The following RBFOX1 variants were observed in gnomAD, a reference collection of about 807,000 sequenced individuals.
RBFOX1 encodes RNA binding protein fox-1 homolog 1.
Under a neutral mutation model 57.7 loss-of-function variants are expected in RBFOX1, and 8 were observed. The ratio of observed to expected loss-of-function variants is 0.14; its 90% CI spans 0.08 to 0.25. The LOEUF is 0.25. RBFOX1 is among the 10% of genes least tolerant of loss of function. RBFOX1 has a pLI of 1.00. For missense variants in RBFOX1, 611 were observed against 548.5 expected (o/e 1.11, Z -1.14); for synonymous variants, 326 against 222.4 (o/e 1.47, Z -4.15).
At position 7,137,789 on chromosome 16, in the gene RBFOX1, A is replaced by C. The variant is rs149013847; in HGVS notation, c.27+85691A>C. Among the ~76,000 whole-genome samples, 653 of 152,214 alleles carry C rather than the reference A, an allele frequency of 4.3e-3. 6 individuals are homozygous for C. The highest frequency in any genetic ancestry group is 0.015 in the African/African-American group (624 of 41,536). ...GTCCCTACCTGGTCCTGGAGTAGAA[A>C]CTCCAAAAGGGGAAGGTTGTAGTTC... On this transcript the variant is annotated intron_variant, in intron 4 of 15. Coordinates refer to ENST00000550418, the MANE Select transcript of RBFOX1 (RefSeq NM_018723.4).
chr16:5,529,237 A>G (rs184012293), intron 2 of RBFOX1, among the ~76,000 whole-genome samples: 2 of 152,234 alleles, frequency 1.3e-5, no homozygotes, highest in Admixed American at 1.3e-4. Flanking sequence ...TGACTTTGTT[A>G]TGGGTTGAAT....
At chr16:5,851,448 G>A (rs926563040) in intron 3 of RBFOX1, among the ~76,000 whole-genome samples, 2 of 152,090 alleles carry the variant, frequency 1.3e-5, no homozygotes, top group South Asian at 2.1e-4. Context: ...GTTTTCCAAG[G>A]CATTCTCTGC....
intron 1 of RBFOX1, among the ~76,000 whole-genome samples, chr16:5,331,799 G>A (rs941932219): frequency 6.6e-6 from 1 of 152,270 alleles, no homozygotes; most frequent in Non-Finnish European, 1.5e-5. Flanking sequence ...TGATGAAAGA[G>A]CTACCTGGTG....
intron 3 of RBFOX1, among the ~76,000 whole-genome samples, chr16:7,013,812 C>G (rs917047014): frequency 6.6e-6 from 1 of 152,082 alleles, no homozygotes; most frequent in African/African-American, 2.4e-5. Context: ...TGTGCACCAA[C>G]ATGCCCAGTT....
chr16:7,298,254 A>G (rs1191508837), intron 4 of RBFOX1, among the ~76,000 whole-genome samples: 1 of 146,766 alleles, frequency 6.8e-6, no homozygotes, highest in Non-Finnish European at 1.5e-5. Flanking sequence ...ACCCACCACA[A>G]TGTAGAAAAT....
chr16:7,084,142 G>A (rs2059623430), intron 4 of RBFOX1, among the ~76,000 whole-genome samples: 1 of 152,136 alleles, frequency 6.6e-6, no homozygotes, highest in African/African-American at 2.4e-5. Flanking sequence ...ATCAAAATAT[G>A]GAAGGACTGT....
At chr16:7,374,682 C>G (rs1397628549) in intron 4 of RBFOX1, among the ~76,000 whole-genome samples, 4 of 152,108 alleles carry the variant, frequency 2.6e-5, no homozygotes, top group African/African-American at 7.2e-5. Context: ...TCTAGAAATA[C>G]CTAAACATTC....
intron 4 of RBFOX1, among the ~76,000 whole-genome samples, chr16:7,316,055 C>G (rs1378836604): frequency 6.6e-6 from 1 of 152,182 alleles, no homozygotes; most frequent in Non-Finnish European, 1.5e-5. Flanking sequence ...TCTGATAGTT[C>G]TTCCTGGCTT....
chr16:6,957,164 C>G (rs2082039424), intron 3 of RBFOX1, among the ~76,000 whole-genome samples: 1 of 92,812 alleles, frequency 1.1e-5, no homozygotes, highest in South Asian at 3.6e-4. Context: ...TGGAGTCTTG[C>G]TCTGTCACCC....
intron 2 of RBFOX1, among the ~76,000 whole-genome samples, chr16:6,628,117 C>T (rs1322544323): frequency 6.6e-6 from 1 of 152,194 alleles, no homozygotes; most frequent in Non-Finnish European, 1.5e-5. Flanking sequence ...TTCCACTTCG[C>T]AGTCCCCAAG....
chr16:5,718,505 A>G (rs1015000797), intron 3 of RBFOX1, among the ~76,000 whole-genome samples: 4 of 152,272 alleles, frequency 2.6e-5, no homozygotes, highest in East Asian at 3.8e-4. Context: ...AGGCTGGGCT[A>G]TTGTGAAATA....
At chr16:5,961,589 G>C (rs1253369743) in intron 4 of RBFOX1, among the ~76,000 whole-genome samples, 3 of 152,100 alleles carry the variant, frequency 2.0e-5, no homozygotes, top group Non-Finnish European at 4.4e-5. Flanking sequence ...GTGCAATCAT[G>C]GCTCACTGCA....
At chr16:6,781,743 G>C (rs968923493) in intron 3 of RBFOX1, among the ~76,000 whole-genome samples, 1 of 151,934 alleles carries the variant, frequency 6.6e-6, no homozygotes, top group African/African-American at 2.4e-5. Context: ...ATTTACCTTT[G>C]AATTTCTGTG....
At chr16:7,005,523 G>C (rs1415279737) in intron 3 of RBFOX1, among the ~76,000 whole-genome samples, 1 of 152,214 alleles carries the variant, frequency 6.6e-6, no homozygotes, top group Non-Finnish European at 1.5e-5. Flanking sequence ...TTGGTACAAT[G>C]ATAAGTGTTC....
At chr16:7,637,730 C>A (rs12924641) in intron 11 of RBFOX1, among the ~76,000 whole-genome samples, 40,882 of 152,024 alleles carry the variant, frequency 0.27, 6,837 homozygotes, top group East Asian at 0.66. Context: ...CAGCTTCTTG[C>A]TTTCCTCCTA....
chr16:6,174,815 A>C (rs2096991048), intron 1 of RBFOX1, among the ~76,000 whole-genome samples: 1 of 152,146 alleles, frequency 6.6e-6, no homozygotes, highest in Non-Finnish European at 1.5e-5. Flanking sequence ...GTTCAGGCTG[A>C]TCAGCTAAGC....
At chr16:6,252,455 TG>T (rs1395712250) in intron 1 of RBFOX1, among the ~76,000 whole-genome samples, 1 of 152,184 alleles carries the variant, frequency 6.6e-6, no homozygotes, top group Non-Finnish European at 1.5e-5. Flanking sequence ...AGTGTAGTTT[TG>T]CAATGACTAT....
chr16:6,414,636 G>A (rs949726975), intron 2 of RBFOX1, among the ~76,000 whole-genome samples: 2 of 152,212 alleles, frequency 1.3e-5, no homozygotes, highest in African/African-American at 4.8e-5. Flanking sequence ...CTAGCACCAT[G>A]TCTGGAAAAT....
At chr16:6,936,746 C>G (rs117938642) in intron 3 of RBFOX1, among the ~76,000 whole-genome samples, 5,509 of 151,888 alleles carry the variant, frequency 0.036, 128 homozygotes, top group Non-Finnish European at 0.049. Flanking sequence ...TAGGGTAATT[C>G]CATACTGTAT....
Sources: gnomAD v4.1 joint callset for allele counts (sites outside exome capture counted in the v4.1 genomes callset) on GRCh38, gnomAD v4.1.1 for gene constraint, MANE v1.5 for transcripts, NCBI Gene and HGNC (gene_info 2026-07-23, HGNC 2026-07-21) for gene names.